Variants in SDK1 observed in about 807,000 individuals in gnomAD.
SDK1 encodes the protein protein sidekick-1.
SDK1 carries 157 observed loss-of-function variants against 245.5 expected under a neutral mutation model. The observed-to-expected ratio is 0.64, with a 90% CI of 0.56 to 0.73. The LOEUF is 0.73. SDK1 is among the 30% of genes least tolerant of loss of function. The pLI is 0.00. For synonymous variants in SDK1, 1,647 were observed against 1,278.5 expected (o/e 1.29, Z -6.15); for missense variants, 3,583 against 3,002.3 (o/e 1.19, Z -4.52).
intron 8 of SDK1, among the ~76,000 whole-genome samples, chr7:3,962,098 T>G (rs1781744445): frequency 6.6e-6 from 1 of 152,062 alleles, no homozygotes; most frequent in Non-Finnish European, 1.5e-5. Context: ...TACACACACA[T>G]GCACAGACAC....
Position 4,149,316 on chromosome 7 carries a change from G to A in SDK1, c.4478G>A (p.Arg1493His), listed in dbSNP as rs766715101. 5.5e-5 allele frequency: 88 copies of A among 1,587,442 alleles called. No homozygotes were observed. Among genetic ancestry groups the A allele is most frequent in the Non-Finnish European group, 6.9e-5 (81 of 1,167,116 alleles). Reference protein sequence around the residue: ...LLVPQAEVTARSLRLQWVPGS... With the variant: ...LLVPQAEVTAHSLRLQWVPGS... ...GTGCCCCAGGCAGAAGTGACCGCAC[G>A]CAGCCTCCGGCTCCAGTGGGTCCCG... The change falls in exon 30 of 45, where the codon CGC becomes CAC. Residue 1493 changes from arginine to histidine, a missense_variant. Arg to His is a conservative substitution (Grantham distance 29). Transcript: ENST00000404826.
At chr7:3,582,047 TC>T in intron 1 of SDK1, among the ~76,000 whole-genome samples, 1 of 150,680 alleles carries the variant, frequency 6.6e-6, no homozygotes, top group Admixed American at 6.6e-5. Flanking sequence ...CAGGTAGGTC[TC>T]CCTCAGGTAG....
At chr7:4,014,424 A>G (rs1031974320) in intron 16 of SDK1, among the ~76,000 whole-genome samples, 7 of 152,148 alleles carry the variant, frequency 4.6e-5, no homozygotes, top group African/African-American at 1.2e-4. Flanking sequence ...TAGGCCTGTG[A>G]ATATCAAAGT....
chr7:3,752,152 C>T (rs930346402), intron 4 of SDK1, among the ~76,000 whole-genome samples: 2 of 152,186 alleles, frequency 1.3e-5, no homozygotes, highest in African/African-American at 4.8e-5. Context: ...CTTGCACAAC[C>T]TGATAGGTGA....
intron 1 of SDK1, among the ~76,000 whole-genome samples, chr7:3,572,057 G>C (rs541314101): frequency 6.6e-6 from 1 of 152,060 alleles, no homozygotes; most frequent in East Asian, 1.9e-4. Context: ...CAAACAGTCA[G>C]TGAAAGGACA....
At chr7:3,366,204 C>T (rs1261420277) in intron 1 of SDK1, among the ~76,000 whole-genome samples, 1 of 152,202 alleles carries the variant, frequency 6.6e-6, no homozygotes, top group East Asian at 1.9e-4. Flanking sequence ...AAAAGTTCTA[C>T]ATAGAGAAGC....
At chr7:3,925,020 T>A (rs555461240) in intron 5 of SDK1, among the ~76,000 whole-genome samples, 1 of 152,174 alleles carries the variant, frequency 6.6e-6, no homozygotes, top group Non-Finnish European at 1.5e-5. Flanking sequence ...TTAATGTGAT[T>A]CTTGACAACT....
chr7:3,301,631 C>T lies in SDK1; in HGVS notation c.45C>T (p.Gly15=), dbSNP rs1779260691. 1.0e-6 allele frequency: 1 copy of T among 977,364 alleles called. No homozygotes were observed. Among genetic ancestry groups the T allele is most frequent in the Non-Finnish European group, 1.2e-6 (1 of 826,578 alleles). The allele number at this position is 977,364 out of a possible 1,614,324, so 60.5% of individuals were successfully genotyped here. ...ARPSAAGGGG[G]GAEPPERAGP... is the part of the protein sequence containing the mutation. ...CCTCGGCGGCCGGTGGCGGCGGCGG[C>T]GGCGCGGAGCCCCCTGAGCGCGCGG... The change falls in exon 1 of 45, where the codon GGC becomes GGT. Residue 15 remains glycine, a synonymous_variant. Transcript: ENST00000404826.
rs558423403 is a variant in SDK1 at position 3,601,627 on chromosome 7, GTTTT to G, written c.299-17449_299-17446del. Among the ~76,000 whole-genome samples, 211 of 150,998 alleles carry G rather than the reference GTTTT, an allele frequency of 1.4e-3. 2 individuals carry two copies. The highest frequency in any genetic ancestry group is 4.9e-3 in the African/African-American group (201 of 41,260). On this transcript the variant is annotated intron_variant, in intron 1 of 44. Transcript: ENST00000404826. Reference sequence around the variant, plus strand: ...TTTTAGTCTTGCTAGAGGTTTATCAGTTTTTTTCTCAAAGATCCAGCTTTCTTAT... The same window carrying G: ...TTTTAGTCTTGCTAGAGGTTTATCAGTTTCTCAAAGATCCAGCTTTCTTAT...
chr7:3,422,079 C>G (rs1210184523), intron 1 of SDK1, among the ~76,000 whole-genome samples: 1 of 152,044 alleles, frequency 6.6e-6, no homozygotes, highest in East Asian at 1.9e-4. Context: ...TTAATAACAA[C>G]AACAGCAAAA....
intron 5 of SDK1, among the ~76,000 whole-genome samples, chr7:3,862,511 A>G (rs1392074083): frequency 2.6e-5 from 4 of 152,164 alleles, no homozygotes; most frequent in African/African-American, 9.6e-5. Context: ...TCAGACTTTA[A>G]TGTTTATGCA....
At chr7:3,722,884 A>T (rs1299313303) in intron 4 of SDK1, among the ~76,000 whole-genome samples, 1 of 152,208 alleles carries the variant, frequency 6.6e-6, no homozygotes. Context: ...CTCAGGACAT[A>T]TGCTTTCCCC....
At chr7:3,959,619 C>T (rs953776920) in intron 8 of SDK1, among the ~76,000 whole-genome samples, 1 of 152,222 alleles carries the variant, frequency 6.6e-6, no homozygotes, top group Non-Finnish European at 1.5e-5. Context: ...CACTCTGCAT[C>T]CATGTGCACA....
chr7:4,207,754 A>G (rs892529792), intron 36 of SDK1, among the ~76,000 whole-genome samples: 2 of 152,174 alleles, frequency 1.3e-5, no homozygotes, highest in Non-Finnish European at 2.9e-5. Flanking sequence ...TAGGTCTGCA[A>G]GGAAAGGCAC....
intron 20 of SDK1, among the ~76,000 whole-genome samples, chr7:4,072,454 C>T (rs889263723): frequency 1.3e-5 from 2 of 152,184 alleles, no homozygotes; most frequent in Admixed American, 6.5e-5. Context: ...GATGTTATCA[C>T]CTTACCAGCC....
intron 5 of SDK1, among the ~76,000 whole-genome samples, chr7:3,835,257 G>A (rs953376552): frequency 1.3e-5 from 2 of 152,122 alleles, no homozygotes; most frequent in African/African-American, 4.8e-5. Flanking sequence ...AAGATAGAAG[G>A]CGTGTCCACA....
intron 4 of SDK1, among the ~76,000 whole-genome samples, chr7:3,660,562 T>A (rs1783319520): frequency 6.6e-6 from 1 of 152,198 alleles, no homozygotes; most frequent in Non-Finnish European, 1.5e-5. Flanking sequence ...CATAATGGGC[T>A]CAGCTCCGCA....
At chr7:3,787,218 A>C (rs1344470208) in intron 4 of SDK1, among the ~76,000 whole-genome samples, 1 of 151,472 alleles carries the variant, frequency 6.6e-6, no homozygotes. Flanking sequence ...TCAGTGGACT[A>C]TTGCCGTTAG....
At chr7:3,502,171 A>G (rs1782236916) in intron 1 of SDK1, among the ~76,000 whole-genome samples, 2 of 152,104 alleles carry the variant, frequency 1.3e-5, no homozygotes, top group South Asian at 2.1e-4. Flanking sequence ...GGGCTTCTTC[A>G]AAGAATTTTG....
Sources: allele counts gnomAD v4.1 joint callset (sites outside exome capture counted in the v4.1 genomes callset), GRCh38; gene constraint gnomAD v4.1.1; transcripts MANE v1.5; gene names NCBI Gene and HGNC (gene_info 2026-07-23, HGNC 2026-07-21).